The following NOX4 variants were observed in gnomAD, a reference collection of about 807,000 sequenced individuals.
NOX4 encodes the protein NADPH oxidase 4.
NOX4 carries 69 observed loss-of-function variants against 87.6 expected under a neutral mutation model. The ratio of observed to expected loss-of-function variants is 0.79; its 90% CI spans 0.65 to 0.96. The LOEUF (loss-of-function observed/expected upper bound fraction) is 0.96, where lower values mean the gene tolerates loss of function less well. NOX4 is among the 40% of genes least tolerant of loss of function. The probability of loss-of-function intolerance (pLI) is 0.00; values close to 1 mark genes in which losing one functional copy is unlikely to be tolerated. For synonymous variants in NOX4, 275 were observed against 238.2 expected (o/e 1.15, Z -1.42); for missense variants, 680 against 681.5 (o/e 1.00, Z 0.02).
At chr11:89,426,793 G>A (rs962086994) in intron 7 of NOX4, among the ~76,000 whole-genome samples, 2 of 152,078 alleles carry the variant, frequency 1.3e-5, no homozygotes, top group Non-Finnish European at 1.5e-5. Context: ...TCCACCTCGG[G>A]GGGCAGGGCA....
chr11:89,472,438 A>G (rs1390301626), intron 2 of NOX4, among the ~76,000 whole-genome samples: 1 of 152,122 alleles, frequency 6.6e-6, no homozygotes, highest in Non-Finnish European at 1.5e-5. Flanking sequence ...TTTTTTTCAT[A>G]AAACTAAAGG....
At chr11:89,391,596 A>T (rs1390399210) in intron 11 of NOX4, among the ~76,000 whole-genome samples, 1 of 151,890 alleles carries the variant, frequency 6.6e-6, no homozygotes. Context: ...TCTCTACACA[A>T]TTTTTTAAAA....
the NOX4 span, among the ~76,000 whole-genome samples, chr11:89,558,022 G>A: frequency 6.6e-6 from 1 of 152,188 alleles, no homozygotes; most frequent in Non-Finnish European, 1.5e-5. Flanking sequence ...ATAAGATCTT[G>A]TTTAATCTTT....
At chr11:89,376,494 T>C (rs1302181389) in intron 11 of NOX4, among the ~76,000 whole-genome samples, 1 of 152,196 alleles carries the variant, frequency 6.6e-6, no homozygotes, top group African/African-American at 2.4e-5. Context: ...AGCTCTATCG[T>C]TCTCCTAAAA....
intron 2 of NOX4, among the ~76,000 whole-genome samples, chr11:89,465,635 G>A (rs1257644933): frequency 6.6e-6 from 1 of 152,102 alleles, no homozygotes; most frequent in Non-Finnish European, 1.5e-5. Flanking sequence ...ATCTTCTCCA[G>A]CATCTGTTGT....
the NOX4 span, among the ~76,000 whole-genome samples, chr11:89,570,672 A>C: frequency 1.3e-5 from 2 of 152,166 alleles, no homozygotes; most frequent in African/African-American, 4.8e-5. Context: ...TCTCTATGAA[A>C]GACAAGAAAT....
chr11:89,505,301 T>C, the NOX4 span, among the ~76,000 whole-genome samples: 3 of 151,952 alleles, frequency 2.0e-5, no homozygotes, highest in Non-Finnish European at 4.4e-5. Context: ...GCTAAGTCAC[T>C]GTCTATGAGG....
chr11:89,542,692 G>C, the NOX4 span, among the ~76,000 whole-genome samples: 1 of 152,002 alleles, frequency 6.6e-6, no homozygotes, highest in Non-Finnish European at 1.5e-5. Context: ...TCACTGCCTG[G>C]AACAAGGACA....
intron 13 of NOX4, among the ~76,000 whole-genome samples, chr11:89,345,801 A>G (rs773115231): frequency 4.5e-4 from 68 of 152,300 alleles, no homozygotes; most frequent in Middle Eastern, 6.8e-3. Flanking sequence ...ATACCTCAAA[A>G]TAATAAGAGC....
intron 11 of NOX4, among the ~76,000 whole-genome samples, chr11:89,394,074 C>T (rs1941306585): frequency 6.6e-6 from 1 of 150,800 alleles, no homozygotes; most frequent in African/African-American, 2.4e-5. Context: ...ATAGAAGGGA[C>T]TTACTTAAAG....
the NOX4 span, among the ~76,000 whole-genome samples, chr11:89,574,708 T>C: frequency 1.3e-5 from 2 of 152,196 alleles, no homozygotes; most frequent in African/African-American, 4.8e-5. Context: ...ATAGTCAACA[T>C]TGTTAAACAA....
At chr11:89,485,516 A>G (rs1946557065) in intron 2 of NOX4, among the ~76,000 whole-genome samples, 1 of 152,110 alleles carries the variant, frequency 6.6e-6, no homozygotes, top group Non-Finnish European at 1.5e-5. Flanking sequence ...AAAATGTAAA[A>G]AACGCAACTC....
At chr11:89,330,317 C>A (rs1945416348) in intron 17 of NOX4, among the ~76,000 whole-genome samples, 1 of 152,002 alleles carries the variant, frequency 6.6e-6, no homozygotes, top group Admixed American at 6.6e-5. Context: ...TCACTGCACT[C>A]TGGCCTGAGC....
intron 7 of NOX4, among the ~76,000 whole-genome samples, chr11:89,424,753 C>T (rs1480871245): frequency 6.6e-6 from 1 of 151,846 alleles, no homozygotes; most frequent in Non-Finnish European, 1.5e-5. Context: ...ACAGATTGAC[C>T]CATATTGAAC....
chr11:89,385,984 A>G (rs1023281220), intron 11 of NOX4, among the ~76,000 whole-genome samples: 4 of 152,144 alleles, frequency 2.6e-5, no homozygotes, highest in African/African-American at 9.7e-5. Context: ...GGCTCTTGGT[A>G]TTCAGTGGAA....
At chr11:89,394,263 A>G (rs1485042299) in intron 11 of NOX4, among the ~76,000 whole-genome samples, 4 of 152,160 alleles carry the variant, frequency 2.6e-5, no homozygotes, top group Non-Finnish European at 5.9e-5. Flanking sequence ...TATATACTAA[A>G]AAGTAAACTA....
At chr11:89,488,417 T>C (rs1192700461) in intron 2 of NOX4, among the ~76,000 whole-genome samples, 1 of 152,086 alleles carries the variant, frequency 6.6e-6, no homozygotes, top group African/African-American at 2.4e-5. Context: ...TTTTCCAAAT[T>C]TGTTGGTTTA....
intron 6 of NOX4, among the ~76,000 whole-genome samples, chr11:89,433,528 G>A (rs530271627): frequency 6.6e-6 from 1 of 152,064 alleles, no homozygotes; most frequent in East Asian, 1.9e-4. Flanking sequence ...ACTAAGCAGT[G>A]CCTTCAGTTT....
chr11:89,360,733 A>G (rs556006289), intron 12 of NOX4, among the ~76,000 whole-genome samples: 1 of 152,208 alleles, frequency 6.6e-6, no homozygotes, highest in South Asian at 2.1e-4. Context: ...AGAATCTACA[A>G]GGAATTAAAA....
Sources: allele counts gnomAD v4.1 joint callset (sites outside exome capture counted in the v4.1 genomes callset), GRCh38; gene constraint gnomAD v4.1.1; transcripts MANE v1.5; gene names NCBI Gene and HGNC (gene_info 2026-07-23, HGNC 2026-07-21).